Variants in RAD18 observed in about 807,000 individuals in gnomAD.
The protein encoded by RAD18 is RAD18 E3 ubiquitin protein ligase.
A neutral mutation model predicts 60.4 loss-of-function variants in RAD18; 47 were observed. That is an observed-to-expected ratio of 0.78 (90% CI 0.62 to 0.99). RAD18 has a LOEUF of 0.99. Ranked by LOEUF, RAD18 falls within the 50% of genes least tolerant of loss-of-function variation. The probability of loss-of-function intolerance (pLI) is 0.00; values close to 1 mark genes in which losing one functional copy is unlikely to be tolerated. For synonymous variants in RAD18, 225 were observed against 195.5 expected, an observed-to-expected ratio of 1.15 and a Z score of -1.26; for missense variants, 640 against 593.3, an observed-to-expected ratio of 1.08 and a Z score of -0.82.
intron 11 of RAD18, among the ~76,000 whole-genome samples, chr3:8,896,545 G>T (rs1186961807): frequency 1.3e-5 from 2 of 152,182 alleles, no homozygotes; most frequent in Non-Finnish European, 2.9e-5. Context: ...TGCCTTACCT[G>T]CCCCAAAACA....
chr3:8,884,397 C>T (rs1939522185), intron 12 of RAD18, among the ~76,000 whole-genome samples: 1 of 152,106 alleles, frequency 6.6e-6, no homozygotes, highest in Admixed American at 6.5e-5. Context: ...TTTGCTATCA[C>T]TCTTATCATT....
chr3:8,901,261 T>A (rs45590232), intron 10 of RAD18, among the ~76,000 whole-genome samples: 3,186 of 152,266 alleles, frequency 0.021, 62 homozygotes, highest in Non-Finnish European at 0.025. Context: ...TATGGAAAAG[T>A]TTAACGATTC....
intron 11 of RAD18, among the ~76,000 whole-genome samples, chr3:8,896,012 T>G (rs1939776246): frequency 6.6e-6 from 1 of 152,136 alleles, no homozygotes; most frequent in Non-Finnish European, 1.5e-5. Context: ...ATCTGTTCCC[T>G]CTTTTCTGAC....
rs112722637 is a variant in RAD18, at chr3:8,923,922, C to T, written c.890-10202G>A. On this transcript the variant is annotated intron_variant, in intron 7 of 12. Transcript: ENST00000264926. Reference sequence around the variant, plus strand: ...AAGAGCTCCTGAAGGAAGCACTAAACGTGGAAAGGAACAACCAGTACCAGC... The same window carrying T: ...AAGAGCTCCTGAAGGAAGCACTAAATGTGGAAAGGAACAACCAGTACCAGC... 1.2e-3 allele frequency among the ~76,000 whole-genome samples: 179 copies of T among 152,270 alleles called. 3 individuals are homozygous for T. The highest frequency in any genetic ancestry group is 3.9e-4 in the East Asian group (2 of 5,180).
At chr3:8,883,298 A>T (rs780380301) in intron 12 of RAD18, among the ~76,000 whole-genome samples, 11 of 152,226 alleles carry the variant, frequency 7.2e-5, no homozygotes, top group Non-Finnish European at 1.5e-4. Context: ...AAAGAACCCC[A>T]GTCATGAGAA....
chr3:8,943,719 C>A (rs1028300383), intron 4 of RAD18, among the ~76,000 whole-genome samples: 1 of 151,952 alleles, frequency 6.6e-6, no homozygotes, highest in Non-Finnish European at 1.5e-5. Context: ...AGAAAAATAA[C>A]TAGAAAATCT....
In RAD18 at chr3:8,959,217, T is replaced by C. The variant is rs1574830073; in HGVS notation, c.52-216A>G. On this transcript the variant is annotated intron_variant, in intron 1 of 12. Coordinates refer to ENST00000264926, the MANE Select transcript of RAD18 (RefSeq NM_020165.4). Reference sequence around the variant, plus strand: ...TACATTCAGTCTCAGGTTGCCCAAATTGCTTTAGACAGCTAAAGATGATGG... The same window carrying C: ...TACATTCAGTCTCAGGTTGCCCAAACTGCTTTAGACAGCTAAAGATGATGG... Among the ~76,000 whole-genome samples, 3 of 152,242 alleles carry C rather than the reference T, an allele frequency of 2.0e-5. No homozygotes were observed. In the East Asian group the frequency reaches 5.8e-4, roughly 29 times the overall value.
intron 7 of RAD18, among the ~76,000 whole-genome samples, chr3:8,926,252 T>A (rs1201191118): frequency 6.6e-6 from 1 of 152,176 alleles, no homozygotes; most frequent in African/African-American, 2.4e-5. Context: ...ATCACAAGCA[T>A]TCTTATACAC....
At position 8,878,710 on chromosome 3, in the gene RAD18, G is replaced by A. The variant is rs1320268777; in HGVS notation, c.*2647C>T. ...CAACATGAGGTCGAAAAAGAAAGAC[G>A]AGAGTAGAGGATGAAAGGACGGCCT... On this transcript the variant is annotated 3_prime_UTR_variant, in exon 13 of 13. Transcript: ENST00000264926. 1.3e-5 allele frequency: 2 copies of A among 152,138 alleles called. No homozygotes were observed. The highest frequency in any genetic ancestry group is 2.1e-4 in the South Asian group (1 of 4,818). 9.4% of individuals were successfully genotyped at this position (152,138 alleles called of 1,614,324 possible). A position where few individuals can be genotyped will look rare whatever the true frequency, so the allele number is the denominator to read the frequency against.
At chr3:8,901,403 A>G (rs1013330372) in intron 10 of RAD18, among the ~76,000 whole-genome samples, 2 of 152,250 alleles carry the variant, frequency 1.3e-5, no homozygotes, top group African/African-American at 4.8e-5. Flanking sequence ...TAACCATAGC[A>G]GATAAATGGA....
chr3:8,947,416 C>G (rs1940855815), intron 3 of RAD18, 126 bp from the exon 4 acceptor site: 2 of 715,738 alleles, frequency 2.8e-6, no homozygotes, highest in South Asian at 3.5e-5. Context: ...TCTAAGGCAG[C>G]CTCAAAATAA....
At chr3:8,890,018 C>T (rs1247092297) in intron 12 of RAD18, 2 of 231,274 alleles carry the variant, frequency 8.6e-6, no homozygotes, top group African/African-American at 4.5e-5. Flanking sequence ...ATGCTATACC[C>T]TAGAGCCCAG....
chr3:8,944,595 G>A (rs1468989724), intron 4 of RAD18, among the ~76,000 whole-genome samples: 1 of 149,416 alleles, frequency 6.7e-6, no homozygotes, highest in Non-Finnish European at 1.5e-5. Context: ...GGAATAGAGA[G>A]GGGAAGGAGA....
rs574990386 is a variant in RAD18 at position 8,923,352 on chromosome 3, G to T, written c.890-9632C>A. On this transcript the variant is annotated intron_variant, in intron 7 of 12. Coordinates refer to ENST00000264926, the MANE Select transcript of RAD18 (RefSeq NM_020165.4). Reference sequence around the variant, plus strand: ...AAATGAATGAAATGAAGCAAGAAGAGAAGTTTAGAGAACAAAGAATAAAAA... The same window carrying T: ...AAATGAATGAAATGAAGCAAGAAGATAAGTTTAGAGAACAAAGAATAAAAA... Among the ~76,000 whole-genome samples the T allele has an allele frequency of 2.0e-5, 3 of 152,310 alleles. No individual in the cohort carries two copies. In the South Asian group the frequency reaches 6.2e-4, roughly 32 times the overall value.
intron 10 of RAD18, among the ~76,000 whole-genome samples, chr3:8,899,527 C>G (rs1268151631): frequency 6.6e-6 from 1 of 152,192 alleles, no homozygotes; most frequent in African/African-American, 2.4e-5. Flanking sequence ...TAATTATTCT[C>G]TATGGAAAAG....
At chr3:8,894,630 T>A (rs1559758746) in intron 11 of RAD18, among the ~76,000 whole-genome samples, 1 of 152,066 alleles carries the variant, frequency 6.6e-6, no homozygotes, top group Non-Finnish European at 1.5e-5. Flanking sequence ...GGTACATGGA[T>A]CTCAAGGAGT....
chr3:8,938,412 G>A (rs569917291), intron 6 of RAD18, among the ~76,000 whole-genome samples: 1 of 152,156 alleles, frequency 6.6e-6, no homozygotes, highest in African/African-American at 2.4e-5. Flanking sequence ...TAATACTATG[G>A]CTCTGTCTTA....
chr3:8,955,204 G>A (rs1402827409), intron 2 of RAD18, among the ~76,000 whole-genome samples: 5 of 152,166 alleles, frequency 3.3e-5, no homozygotes, highest in Non-Finnish European at 5.9e-5. Flanking sequence ...GCAAAGGTCT[G>A]GACTAGTACC....
chr3:8,911,762 C>T (rs190232879), intron 9 of RAD18, among the ~76,000 whole-genome samples: 75 of 152,246 alleles, frequency 4.9e-4, no homozygotes, highest in Non-Finnish European at 2.5e-4. Context: ...GTTCGTCAGG[C>T]ACTTAAATTT....
Sources: gnomAD v4.1 joint callset for allele counts (sites outside exome capture counted in the v4.1 genomes callset) on GRCh38, gnomAD v4.1.1 for gene constraint, MANE v1.5 for transcripts, NCBI Gene and HGNC (gene_info 2026-07-23, HGNC 2026-07-21) for gene names.